The following DDX46 variants were observed in gnomAD, a reference collection of about 807,000 sequenced individuals.
DDX46 encodes probable ATP-dependent RNA helicase DDX46.
Under a neutral mutation model 134.9 loss-of-function variants are expected in DDX46, and 30 were observed. The ratio of observed to expected loss-of-function variants is 0.22; its 90% CI spans 0.17 to 0.30. The LOEUF (loss-of-function observed/expected upper bound fraction) is 0.30, where lower values mean the gene tolerates loss of function less well. Among genes scored for constraint, DDX46 ranks in the 10% least tolerant of loss-of-function variants. DDX46 has a pLI of 1.00. For synonymous variants in DDX46, 415 were observed against 404.1 expected (o/e 1.03, Z -0.32); for missense variants, 622 against 1,248.7 (o/e 0.50, Z 7.56).
intron 13 of DDX46, among the ~76,000 whole-genome samples, chr5:134,791,581 G>A (rs1038222591): frequency 2.0e-5 from 3 of 151,442 alleles, no homozygotes; most frequent in Non-Finnish European, 4.4e-5. Flanking sequence ...AAAAGTGGTA[G>A]AAGGTTTTCT....
chr5:134,784,101 T>G (rs1405142562), intron 9 of DDX46, among the ~76,000 whole-genome samples: 2 of 152,216 alleles, frequency 1.3e-5, no homozygotes, highest in East Asian at 1.9e-4. Flanking sequence ...TAGAATAGAT[T>G]TGGCTATTCC....
intron 2 of DDX46, 60 bp downstream of exon 2, chr5:134,764,152 A>G (rs1753484483): frequency 3.3e-6 from 5 of 1,502,664 alleles, no homozygotes; most frequent in Admixed American, 2.2e-5. Flanking sequence ...CGGCTATAGC[A>G]GGCTTCTTGA....
At chr5:134,801,029 A>G (rs886456040) in intron 15 of DDX46, among the ~76,000 whole-genome samples, 4 of 152,134 alleles carry the variant, frequency 2.6e-5, no homozygotes, top group Middle Eastern at 3.4e-3. Flanking sequence ...CATGCCTGTA[A>G]TCCCAGCACT....
chr5:134,799,247 A>C (rs927498541), intron 15 of DDX46, among the ~76,000 whole-genome samples: 1 of 151,736 alleles, frequency 6.6e-6, no homozygotes, highest in African/African-American at 2.4e-5. Context: ...TTTCAAATAA[A>C]TAGGAGATCA....
At position 134,807,936 on chromosome 5, in the gene DDX46, A is replaced by T; in HGVS notation, c.2143A>T (p.Asn715Tyr). Residue 715 changes from asparagine to tyrosine, a missense_variant, in exon 16 of 23, where the codon AAC (asparagine) becomes TAC (tyrosine). By Grantham distance (143) the Asn-to-Tyr change is moderately radical (BLOSUM62 -2). Coordinates refer to ENST00000452510, the MANE Select transcript of DDX46 (RefSeq NM_001300860.2). ...AGCAGGGCGGACTGGAAGAGCAGGA[A>T]ACAAGGTAAAAATAAGTTTTTTATA... ...HRAGRTGRAG[N>Y]KGYAYTFITE... 1 of 1,585,890 alleles carries T rather than the reference A, an allele frequency of 6.3e-7. No individual in the cohort carries two copies. The highest frequency in any genetic ancestry group is 1.2e-5 in the South Asian group (1 of 85,700).
intron 22 of DDX46, 64 bp from the exon 23 acceptor site, chr5:134,828,590 GTTCGT>G (rs1210943831): frequency 6.0e-6 from 6 of 1,006,780 alleles, no homozygotes; most frequent in Non-Finnish European, 6.4e-6. Flanking sequence ...TGGTTGGTTG[GTTCGT>G]TTTTTTTTTT....
chr5:134,811,541 TG>T, intron 17 of DDX46, 154 bp from the exon 18 acceptor site: 1 of 1,129,756 alleles, frequency 8.9e-7, no homozygotes, highest in Non-Finnish European at 1.2e-6. Flanking sequence ...TAGTATTTTG[TG>T]GTGTCTATGT....
chr5:134,776,123 G>A (rs931319204), intron 5 of DDX46, among the ~76,000 whole-genome samples: 1 of 152,178 alleles, frequency 6.6e-6, no homozygotes, highest in Non-Finnish European at 1.5e-5. Context: ...TGGGCGCGCT[G>A]GTGCATGCCT....
chr5:134,800,766 C>T (rs1486723674), intron 15 of DDX46, among the ~76,000 whole-genome samples: 1 of 152,134 alleles, frequency 6.6e-6, no homozygotes, highest in Non-Finnish European at 1.5e-5. Context: ...ACCTCCGCCT[C>T]CCGGGTTCAA....
chr5:134,826,061 A>T (rs1755583173), intron 21 of DDX46: 1 of 152,220 alleles, frequency 6.6e-6, no homozygotes, highest in Non-Finnish European at 1.5e-5. Context: ...GATGGTATAA[A>T]TACAATATTG....
At chr5:134,761,760 A>C (rs918903488) in intron 1 of DDX46, among the ~76,000 whole-genome samples, 1 of 152,124 alleles carries the variant, frequency 6.6e-6, no homozygotes, top group Non-Finnish European at 1.5e-5. Flanking sequence ...TTCATCATTA[A>C]ATCCCATCGG....
intron 22 of DDX46, among the ~76,000 whole-genome samples, chr5:134,828,247 TTTG>T (rs1313186876): frequency 1.3e-5 from 2 of 152,028 alleles, no homozygotes; most frequent in African/African-American, 4.8e-5. Context: ...CATTCCTTTT[TTTG>T]TTGGGGGGTG....
In DDX46 at chr5:134,794,898, T is replaced by G. The variant is rs997691328; in HGVS notation, c.1675T>G (p.Phe559Val). The G allele has an allele frequency of 6.2e-7, 1 of 1,614,088 alleles. No individual in the cohort carries two copies. The highest frequency in any genetic ancestry group is 1.3e-5 in the African/African-American group (1 of 74,924). Residue 559 changes from phenylalanine (F) to valine (V), a missense_variant, in exon 14 of 23, where the codon TTT becomes GTT. By Grantham distance (50) the Phe-to-Val change is conservative. This residue lies in a region of DDX46 where 209 missense variants were observed against 508.4 expected (regional missense o/e 0.41). Coordinates refer to ENST00000452510, the MANE Select transcript of DDX46 (RefSeq NM_001300860.2). Reference protein sequence around the residue: ...NVRPDRQTVMFSATFPRAMEA... With the variant: ...NVRPDRQTVMVSATFPRAMEA... ...TCGTCCTGATCGACAGACGGTTATG[T>G]TTTCAGCTACTTTCCCCAGAGCTAT...
chr5:134,783,958 T>C (rs1754252672), intron 9 of DDX46, among the ~76,000 whole-genome samples: 1 of 151,744 alleles, frequency 6.6e-6, no homozygotes, highest in Non-Finnish European at 1.5e-5. Flanking sequence ...ATGCTGGGAT[T>C]TCAGTCATGA....
chr5:134,819,879 C>A (rs1165843064), intron 21 of DDX46, among the ~76,000 whole-genome samples: 2 of 151,834 alleles, frequency 1.3e-5, no homozygotes, highest in African/African-American at 4.8e-5. Context: ...TAGTAGGACA[C>A]CCTGTCACAC....
intron 4 of DDX46, 129 bp from the exon 5 acceptor site, chr5:134,773,567 G>T: frequency 1.0e-6 from 1 of 977,094 alleles, no homozygotes; most frequent in East Asian, 2.7e-5. Flanking sequence ...TGAGGGGTTT[G>T]TATATATGCC....
At chr5:134,803,329 G>T (rs1424707633) in intron 15 of DDX46, among the ~76,000 whole-genome samples, 2 of 151,612 alleles carry the variant, frequency 1.3e-5, no homozygotes, top group Non-Finnish European at 2.9e-5. Flanking sequence ...CATCCCAACT[G>T]CTTAGATTTT....
In DDX46 at chr5:134,758,883, G is replaced by T. The variant is rs1753285358; in HGVS notation, c.-56G>T. The T allele has an allele frequency of 6.2e-7, 1 of 1,613,754 alleles. No homozygotes were observed. Among genetic ancestry groups the T allele is most frequent in the Admixed American group, 1.7e-5 (1 of 60,020 alleles). ...TGAGGGCAGCTCAGCCTCCTTGTTT[G>T]TCCGGTTCGCCTGTGCGTGGTACTC... On this transcript the variant is annotated 5_prime_UTR_variant, in exon 1 of 23. Coordinates refer to ENST00000452510, the MANE Select transcript of DDX46 (RefSeq NM_001300860.2).
intron 5 of DDX46, among the ~76,000 whole-genome samples, chr5:134,777,177 C>T (rs920895947): frequency 1.2e-4 from 19 of 152,158 alleles, no homozygotes; most frequent in African/African-American, 4.3e-4. Context: ...GAGATTGTGC[C>T]ACTGTACTCC....
Sources: allele counts gnomAD v4.1 joint callset (sites outside exome capture counted in the v4.1 genomes callset), GRCh38; gene constraint gnomAD v4.1.1; regional missense constraint gnomAD v4.1.1; transcripts MANE v1.5; gene names NCBI Gene and HGNC (gene_info 2026-07-23, HGNC 2026-07-21).